The following NEGR1 variants were observed in gnomAD, a reference collection of about 807,000 sequenced individuals.
The protein encoded by NEGR1 is IgLON family member 4.
A neutral mutation model predicts 40.9 loss-of-function variants in NEGR1; 10 were observed. The observed-to-expected ratio is 0.24, with a 90% confidence interval of 0.15 to 0.42. The LOEUF is 0.42. Ranked by LOEUF, NEGR1 falls within the 10% of genes least tolerant of loss-of-function variation. The pLI, the probability that NEGR1 is intolerant of heterozygous loss-of-function variation, is 1.00. For synonymous variants in NEGR1, 185 were observed against 166.8 expected (o/e 1.11, Z -0.84); for missense variants, 352 against 438.9 (o/e 0.80, Z 1.77).
intron 1 of NEGR1, among the ~76,000 whole-genome samples, chr1:72,073,178 T>A (rs1474596260): frequency 6.6e-6 from 1 of 152,182 alleles, no homozygotes; most frequent in Non-Finnish European, 1.5e-5. Context: ...CCTTCATAGT[T>A]ATTCTCATTT....
chr1:71,533,525 T>C (rs2101446870), intron 6 of NEGR1, among the ~76,000 whole-genome samples: 1 of 151,800 alleles, frequency 6.6e-6, no homozygotes, highest in East Asian at 2.0e-4. Flanking sequence ...CTCACACATA[T>C]ACACACAAAC....
At chr1:71,701,222 A>G (rs1180158537) in intron 3 of NEGR1, among the ~76,000 whole-genome samples, 5 of 152,022 alleles carry the variant, frequency 3.3e-5, no homozygotes, top group Non-Finnish European at 7.4e-5. Context: ...CTGGATTAAA[A>G]TCAATGTGTC....
At chr1:72,131,040 T>C (rs948601530) in intron 1 of NEGR1, among the ~76,000 whole-genome samples, 3 of 152,202 alleles carry the variant, frequency 2.0e-5, no homozygotes, top group Non-Finnish European at 2.9e-5. Flanking sequence ...ATTGCTCATG[T>C]TGTAAGGTCA....
rs138896453 is a variant in NEGR1 at position 72,149,416 on chromosome 1, C to T, written c.176+132903G>A. On this transcript the variant is annotated intron_variant, in intron 1 of 6. Transcript: ENST00000357731. ...ATAAAAAGAATCTGCATTGAGATTT[C>T]TGAAATTGTAAAGCAGACGAAGAAG... Among the ~76,000 whole-genome samples the T allele has an allele frequency of 4.8e-3, 729 of 152,226 alleles. 5 individuals are homozygous for T. Among genetic ancestry groups the T allele is most frequent in the African/African-American group, 0.017 (701 of 41,548 alleles).
At chr1:71,512,974 AAC>A (rs770838983) in intron 6 of NEGR1, among the ~76,000 whole-genome samples, 3 of 152,204 alleles carry the variant, frequency 2.0e-5, no homozygotes, top group Non-Finnish European at 2.9e-5. Flanking sequence ...TCAAGAAACT[AAC>A]AGTTTTACTA....
chr1:71,905,772 G>C (rs1661258329), intron 2 of NEGR1, among the ~76,000 whole-genome samples: 1 of 151,534 alleles, frequency 6.6e-6, no homozygotes, highest in African/African-American at 2.4e-5. Context: ...TGTGTTAAGA[G>C]GTTTAACACA....
At chr1:71,743,285 T>C (rs530749821) in intron 3 of NEGR1, among the ~76,000 whole-genome samples, 2 of 152,288 alleles carry the variant, frequency 1.3e-5, no homozygotes, top group East Asian at 1.9e-4. Context: ...GAAAGTAGAA[T>C]GTAGTTTAAT....
chr1:71,625,740 A>C (rs2101558115), intron 4 of NEGR1, among the ~76,000 whole-genome samples: 1 of 151,938 alleles, frequency 6.6e-6, no homozygotes, highest in South Asian at 2.1e-4. Context: ...GGCGTCCCCA[A>C]GCCCCAGGCC....
At chr1:71,903,579 T>C (rs1293136805) in intron 2 of NEGR1, among the ~76,000 whole-genome samples, 1 of 151,972 alleles carries the variant, frequency 6.6e-6, no homozygotes, top group Non-Finnish European at 1.5e-5. Flanking sequence ...ATACATTTAA[T>C]CATGTGACAA....
Position 71,406,696 on chromosome 1 carries a change from C to T in NEGR1, c.*750G>A, listed in dbSNP as rs902327588. The T allele has an allele frequency of 6.6e-6, 1 of 152,432 alleles. No homozygotes were observed. The highest frequency in any genetic ancestry group is 1.5e-5 in the Non-Finnish European group (1 of 67,954). The allele number at this position is 152,432 out of a possible 1,614,324, so 9.4% of individuals were successfully genotyped here. On this transcript the variant is annotated 3_prime_UTR_variant, in exon 7 of 7. Transcript: ENST00000357731. Reference sequence around the variant, plus strand: ...AGTGCAGGAAGAGATTTTTACAGTCCAATAGCTCCTTCGTTACTTAGAGAT... The same window carrying T: ...AGTGCAGGAAGAGATTTTTACAGTCTAATAGCTCCTTCGTTACTTAGAGAT...
At chr1:71,655,875 C>T (rs1481532565) in intron 4 of NEGR1, among the ~76,000 whole-genome samples, 2 of 152,100 alleles carry the variant, frequency 1.3e-5, no homozygotes, top group African/African-American at 2.4e-5. Flanking sequence ...TAATCCAATG[C>T]CAAGGTCTTC....
intron 1 of NEGR1, among the ~76,000 whole-genome samples, chr1:72,202,244 T>C (rs191996831): frequency 1.3e-5 from 2 of 152,022 alleles, no homozygotes; most frequent in Admixed American, 6.6e-5. Flanking sequence ...GCTCCACTTA[T>C]CAGCCATTCC....
At chr1:71,789,113 C>T (rs945164594) in intron 2 of NEGR1, among the ~76,000 whole-genome samples, 6 of 152,128 alleles carry the variant, frequency 3.9e-5, no homozygotes, top group Non-Finnish European at 7.4e-5. Context: ...TGTTCCAGGT[C>T]GAGTTATACA....
chr1:72,177,935 T>G (rs1326741957), intron 1 of NEGR1, among the ~76,000 whole-genome samples: 2 of 152,068 alleles, frequency 1.3e-5, no homozygotes, highest in African/African-American at 4.8e-5. Flanking sequence ...CACAGCTGGC[T>G]GCTTTTTAGA....
At chr1:72,021,214 G>T (rs2100420347) in intron 1 of NEGR1, among the ~76,000 whole-genome samples, 1 of 152,046 alleles carries the variant, frequency 6.6e-6, no homozygotes, top group East Asian at 1.9e-4. Context: ...ACAGTTAAGA[G>T]AAAAAAGAAC....
intron 1 of NEGR1, among the ~76,000 whole-genome samples, chr1:72,244,865 A>G (rs1054173328): frequency 3.3e-5 from 5 of 152,016 alleles, no homozygotes; most frequent in African/African-American, 1.2e-4. Context: ...TAACACATGC[A>G]TTTTCTCTGT....
chr1:71,726,206 T>G (rs148559826), intron 3 of NEGR1, among the ~76,000 whole-genome samples: 244 of 152,266 alleles, frequency 1.6e-3, no homozygotes, highest in African/African-American at 5.7e-3. Flanking sequence ...AAGTAGTTCT[T>G]TTATACTTTC....
intron 1 of NEGR1, among the ~76,000 whole-genome samples, chr1:72,064,184 T>A (rs1435324846): frequency 6.6e-6 from 1 of 152,008 alleles, no homozygotes; most frequent in East Asian, 1.9e-4. Flanking sequence ...TCTGTGTCAT[T>A]TATTTTGTAG....
At chr1:71,677,315 C>T (rs572882966) in intron 4 of NEGR1, among the ~76,000 whole-genome samples, 2 of 152,260 alleles carry the variant, frequency 1.3e-5, no homozygotes, top group African/African-American at 4.8e-5. Flanking sequence ...ACAGCATTAT[C>T]TTTACTGCAT....
Sources: gnomAD v4.1 joint callset for allele counts (sites outside exome capture counted in the v4.1 genomes callset) on GRCh38, gnomAD v4.1.1 for gene constraint, MANE v1.5 for transcripts, NCBI Gene and HGNC (gene_info 2026-07-23, HGNC 2026-07-21) for gene names.